Variants in PAWR observed in about 807,000 individuals in gnomAD.
PAWR encodes the protein PRKC apoptosis WT1 regulator protein.
Under a neutral mutation model 32.0 loss-of-function variants are expected in PAWR, and 23 were observed. The ratio of observed to expected loss-of-function variants is 0.72; its 90% CI spans 0.52 to 1.02. The LOEUF (loss-of-function observed/expected upper bound fraction) is 1.02, where lower values mean the gene tolerates loss of function less well. Among genes scored for constraint, PAWR ranks in the 50% least tolerant of loss-of-function variants. The probability of loss-of-function intolerance (pLI) is 0.00; values close to 1 mark genes in which losing one functional copy is unlikely to be tolerated. For synonymous variants in PAWR, 226 were observed against 187.1 expected (o/e 1.21, Z -1.70); for missense variants, 457 against 437.7 (o/e 1.04, Z -0.39).
At chr12:79,669,493 T>TA (rs1877778888) in intron 2 of PAWR, among the ~76,000 whole-genome samples, 1 of 152,126 alleles carries the variant, frequency 6.6e-6, no homozygotes, top group Non-Finnish European at 1.5e-5. Context: ...GAAATATATT[T>TA]AAAAAAACTC....
intron 2 of PAWR, chr12:79,635,761 A>C (rs945536411): frequency 2.0e-5 from 3 of 152,198 alleles, no homozygotes; most frequent in African/African-American, 7.2e-5. Flanking sequence ...AAAGTTTGAA[A>C]GCCACTGCTA....
At chr12:79,658,364 T>C (rs1008383344) in intron 2 of PAWR, among the ~76,000 whole-genome samples, 1 of 152,214 alleles carries the variant, frequency 6.6e-6, no homozygotes, top group African/African-American at 2.4e-5. Flanking sequence ...TATCATCCCA[T>C]CTGAATTTAA....
At chr12:79,616,789 C>T (rs114843851) in intron 3 of PAWR, among the ~76,000 whole-genome samples, 2 of 152,020 alleles carry the variant, frequency 1.3e-5, no homozygotes, top group Admixed American at 6.6e-5. Flanking sequence ...TTCCACACTG[C>T]TAGCTTGATA....
rs574677225 is a variant in PAWR, at chr12:79,642,439, A to G, written c.517-21232T>C. Among the ~76,000 whole-genome samples the G allele has an allele frequency of 1.6e-3, 239 of 152,308 alleles. 1 individual carries two copies. The highest frequency in any genetic ancestry group is 5.5e-3 in the African/African-American group (227 of 41,572). Reference sequence around the variant, plus strand: ...TACCACAGACCAGGTGGGTTACATCACAGAATTTTATTTTCTCACAGTTCT... The same window carrying G: ...TACCACAGACCAGGTGGGTTACATCGCAGAATTTTATTTTCTCACAGTTCT... On this transcript the variant is annotated intron_variant, in intron 2 of 6. Transcript: ENST00000328827.
intron 2 of PAWR, among the ~76,000 whole-genome samples, chr12:79,674,497 C>A (rs1213950837): frequency 6.6e-6 from 1 of 151,872 alleles, no homozygotes; most frequent in African/African-American, 2.4e-5. Flanking sequence ...TCAGCCTTGG[C>A]AAAGATTTCA....
At chr12:79,669,448 T>C (rs1043677155) in intron 2 of PAWR, among the ~76,000 whole-genome samples, 4 of 152,294 alleles carry the variant, frequency 2.6e-5, no homozygotes, top group African/African-American at 9.6e-5. Context: ...GTTTGGGACA[T>C]ATGATTTTCG....
chr12:79,626,590 T>A (rs529878436), intron 2 of PAWR, among the ~76,000 whole-genome samples: 447 of 151,512 alleles, frequency 3.0e-3, no homozygotes, highest in Non-Finnish European at 4.3e-3. Context: ...TTTTTTTTTT[T>A]AATTTTATTA....
chr12:79,675,271 G>A (rs754174514), intron 2 of PAWR, among the ~76,000 whole-genome samples: 7 of 152,066 alleles, frequency 4.6e-5, no homozygotes, highest in African/African-American at 1.4e-4. Flanking sequence ...GCAGCTACTC[G>A]GGAGGCTGAG....
chr12:79,598,822 C>T (rs1397756333), intron 4 of PAWR, among the ~76,000 whole-genome samples: 2 of 152,188 alleles, frequency 1.3e-5, no homozygotes, highest in African/African-American at 4.8e-5. Context: ...CTGCAACCTC[C>T]GCCTCCTGGG....
rs186779546 is a variant in PAWR at position 79,651,864 on chromosome 12, C to A, written c.517-30657G>T. Among the ~76,000 whole-genome samples the A allele has an allele frequency of 5.0e-4, 76 of 152,226 alleles. No homozygotes were observed. The East Asian group carries it at 9.3e-3, about 19-fold the overall frequency. ...AGAAAAAGAAGCAAGCCAGTATCTA[C>A]CAAGCTACCAATGAATGAAGTGTTA... On this transcript the variant is annotated intron_variant, in intron 2 of 6. Transcript: ENST00000328827.
At chr12:79,683,605 C>CT (rs78796038) in intron 2 of PAWR, among the ~76,000 whole-genome samples, 1,752 of 136,894 alleles carry the variant, frequency 0.013, 28 homozygotes, top group African/African-American at 0.033. Flanking sequence ...GTGGAAACTC[C>CT]TTTTTTTTTT....
intron 2 of PAWR, among the ~76,000 whole-genome samples, chr12:79,681,744 T>C (rs1168270018): frequency 6.6e-6 from 1 of 152,204 alleles, no homozygotes; most frequent in South Asian, 2.1e-4. Context: ...TAGGATTACA[T>C]AAATTTGATT....
In PAWR at chr12:79,639,962, T is replaced by A. The variant is rs1375816238; in HGVS notation, c.517-18755A>T. Among the ~76,000 whole-genome samples, 3 of 150,766 alleles carry A rather than the reference T, an allele frequency of 2.0e-5. No homozygotes were observed. In the East Asian group the frequency reaches 5.8e-4, roughly 29 times the overall value. ...CTCTATCGCCCAGGCTGGAGTGCAG[T>A]GGCATGATCTCATCTAAGCGCAACC... On this transcript the variant is annotated intron_variant, in intron 2 of 6. Transcript: ENST00000328827.
chr12:79,599,162 A>G (rs1873870895), intron 4 of PAWR, among the ~76,000 whole-genome samples: 1 of 152,360 alleles, frequency 6.6e-6, no homozygotes, highest in East Asian at 1.9e-4. Flanking sequence ...TCTTGCAAAA[A>G]CACCAAGAGT....
At chr12:79,686,091 T>A (rs1460623329) in intron 2 of PAWR, among the ~76,000 whole-genome samples, 1 of 152,172 alleles carries the variant, frequency 6.6e-6, no homozygotes, top group African/African-American at 2.4e-5. Context: ...CCAACCACTA[T>A]TTTAAAACAG....
At chr12:79,613,676 T>C (rs1874542682) in intron 3 of PAWR, 67 bp from the exon 4 acceptor site, 4 of 784,068 alleles carry the variant, frequency 5.1e-6, no homozygotes, top group Admixed American at 4.8e-5. Flanking sequence ...TTATATAAAA[T>C]AGTTGATAGA....
At chr12:79,667,398 AC>A (rs1175118903) in intron 2 of PAWR, among the ~76,000 whole-genome samples, 1 of 152,228 alleles carries the variant, frequency 6.6e-6, no homozygotes, top group Non-Finnish European at 1.5e-5. Context: ...ATCTAAATTT[AC>A]CAAATTATAG....
intron 2 of PAWR, among the ~76,000 whole-genome samples, chr12:79,650,643 A>G (rs1192494377): frequency 6.6e-6 from 1 of 151,810 alleles, no homozygotes; most frequent in Non-Finnish European, 1.5e-5. Flanking sequence ...GTCACAGACA[A>G]TATATGAACA....
At chr12:79,616,254 T>C (rs1874728031) in intron 3 of PAWR, among the ~76,000 whole-genome samples, 1 of 151,828 alleles carries the variant, frequency 6.6e-6, no homozygotes, top group Admixed American at 6.6e-5. Context: ...ACATCACACA[T>C]CATTTCTCTC....
Sources: allele counts gnomAD v4.1 joint callset (sites outside exome capture counted in the v4.1 genomes callset), GRCh38; gene constraint gnomAD v4.1.1; transcripts MANE v1.5; gene names NCBI Gene and HGNC (gene_info 2026-07-23, HGNC 2026-07-21).